The following PTK2 variants were observed in gnomAD, a reference collection of about 807,000 sequenced individuals.
PTK2 encodes the protein focal adhesion kinase 1.
PTK2 carries 45 observed loss-of-function variants against 150.1 expected under a neutral mutation model. The ratio of observed to expected loss-of-function variants is 0.30; its 90% CI spans 0.24 to 0.38. The LOEUF (loss-of-function observed/expected upper bound fraction) is 0.38, where lower values mean the gene tolerates loss of function less well. Among genes scored for constraint, PTK2 ranks in the 10% least tolerant of loss-of-function variants. The pLI is 1.00. For synonymous variants in PTK2, 432 were observed against 449.2 expected, an observed-to-expected ratio of 0.96 and a Z score of 0.48; for missense variants, 919 against 1,307.3, an observed-to-expected ratio of 0.70 and a Z score of 4.58.
chr8:140,699,588 A>C (rs1002468943), intron 26 of PTK2, among the ~76,000 whole-genome samples: 2 of 152,264 alleles, frequency 1.3e-5, no homozygotes, highest in African/African-American at 4.8e-5. Context: ...AATGCCAGGA[A>C]GGCAAATCTT....
chr8:140,795,930 T>C (rs1180757939), intron 12 of PTK2, among the ~76,000 whole-genome samples: 1 of 152,268 alleles, frequency 6.6e-6, no homozygotes, highest in East Asian at 1.9e-4. Context: ...CAAGTTCTAT[T>C]TCCGGCAGAG....
intron 17 of PTK2, among the ~76,000 whole-genome samples, chr8:140,748,441 C>T (rs954406544): frequency 5.5e-5 from 8 of 145,076 alleles, no homozygotes; most frequent in East Asian, 4.0e-4. Flanking sequence ...TGCAGTGAGC[C>T]GGGATTGCGT....
intron 29 of PTK2, among the ~76,000 whole-genome samples, chr8:140,670,822 C>A (rs1367138061): frequency 1.3e-5 from 2 of 152,116 alleles, no homozygotes; most frequent in East Asian, 3.8e-4. Context: ...AGGAGGGGGC[C>A]ACAGGGTGTT....
intron 20 of PTK2, among the ~76,000 whole-genome samples, chr8:140,739,370 C>T (rs905770726): frequency 3.3e-5 from 5 of 152,060 alleles, no homozygotes; most frequent in African/African-American, 4.8e-5. Context: ...GAGCAAACCT[C>T]GGTTTACCAG....
intron 13 of PTK2, among the ~76,000 whole-genome samples, chr8:140,790,837 T>C (rs907696047): frequency 4.6e-5 from 7 of 152,230 alleles, no homozygotes; most frequent in Non-Finnish European, 8.8e-5. Flanking sequence ...CAACTTATCT[T>C]TGAACTATAT....
chr8:140,846,416 A>C (rs1284779580), intron 6 of PTK2, 94 bp from the exon 7 acceptor site: 14 of 1,285,306 alleles, frequency 1.1e-5, no homozygotes, highest in African/African-American at 1.5e-5. Context: ...CTGAATAATA[A>C]ACAAAAATTA....
chr8:140,850,788 T>C (rs544864839), intron 5 of PTK2, among the ~76,000 whole-genome samples: 9 of 152,274 alleles, frequency 5.9e-5, no homozygotes, highest in Admixed American at 2.0e-4. Flanking sequence ...TGTGCAAGTA[T>C]TGTATTTGTA....
intron 3 of PTK2, among the ~76,000 whole-genome samples, chr8:140,888,056 C>T (rs2100152954): frequency 6.6e-6 from 1 of 152,174 alleles, no homozygotes; most frequent in African/African-American, 2.4e-5. Flanking sequence ...TTCTTTCTGA[C>T]AAGTAATTAT....
intron 1 of PTK2, among the ~76,000 whole-genome samples, chr8:140,951,316 C>T (rs117458859): frequency 6.2e-4 from 95 of 152,318 alleles, no homozygotes; most frequent in East Asian, 5.0e-3. Context: ...CTAGCTGCTT[C>T]GCAACCAGAT....
intron 16 of PTK2, among the ~76,000 whole-genome samples, chr8:140,759,179 T>C (rs972933859): frequency 6.6e-6 from 1 of 152,162 alleles, no homozygotes; most frequent in Non-Finnish European, 1.5e-5. Flanking sequence ...GTCTAAAGTG[T>C]CATTTAAAAA....
At chr8:140,949,870 A>T (rs1215994304) in intron 1 of PTK2, among the ~76,000 whole-genome samples, 4 of 152,120 alleles carry the variant, frequency 2.6e-5, no homozygotes, top group African/African-American at 9.7e-5. Flanking sequence ...TTACGGGTGG[A>T]GTCTACAGCC....
At chr8:140,876,394 T>C (rs1311515655) in intron 4 of PTK2, among the ~76,000 whole-genome samples, 2 of 152,226 alleles carry the variant, frequency 1.3e-5, no homozygotes, top group Non-Finnish European at 2.9e-5. Flanking sequence ...ATTATCCCAC[T>C]ATTTTCTTGG....
At chr8:140,679,489 GGA>G (rs1322306624) in intron 27 of PTK2, among the ~76,000 whole-genome samples, 2 of 152,178 alleles carry the variant, frequency 1.3e-5, no homozygotes, top group African/African-American at 4.8e-5. Flanking sequence ...GTACAGAAAA[GGA>G]GAGACTCTGC....
At chr8:140,962,286 AGGAAGGGAG>A (rs1341147999) in intron 1 of PTK2, among the ~76,000 whole-genome samples, 55 of 116,162 alleles carry the variant, frequency 4.7e-4, no homozygotes, top group Non-Finnish European at 1.8e-4. Flanking sequence ...GAAGGGAGGG[AGGAAGGGAG>A]GGAGGGAGGG....
At chr8:140,770,833 T>C (rs1435131971) in intron 14 of PTK2, 34 bp from the exon 15 acceptor site, 2 of 1,089,590 alleles carry the variant, frequency 1.8e-6, no homozygotes, top group Non-Finnish European at 2.4e-6. Context: ...AAGAGAAAAA[T>C]AGAAACAAAT....
chr8:140,710,929 T>C (rs1339656616), intron 23 of PTK2, among the ~76,000 whole-genome samples: 1 of 152,168 alleles, frequency 6.6e-6, no homozygotes, highest in Non-Finnish European at 1.5e-5. Context: ...ATTTGTTTCA[T>C]ATCCCGCGGG....
chr8:140,902,924 G>GTTTTTTGTTTTTTTTTTTTTTTTTT (rs2100159140), intron 2 of PTK2, among the ~76,000 whole-genome samples: 1 of 58,964 alleles, frequency 1.7e-5, no homozygotes, highest in Non-Finnish European at 3.8e-5. Context: ...GATGAGAGTT[G>GTTTTTTGTTTTTTTTTTTTTTTTTT]TTTTTTTTTT....
intron 8 of PTK2, among the ~76,000 whole-genome samples, chr8:140,825,260 C>G (rs2100111139): frequency 6.6e-6 from 1 of 152,188 alleles, no homozygotes; most frequent in Admixed American, 6.5e-5. Flanking sequence ...CACCCAGCAT[C>G]CCCAACTCAG....
intron 3 of PTK2, among the ~76,000 whole-genome samples, chr8:140,889,190 T>A (rs898366373): frequency 6.6e-6 from 1 of 152,174 alleles, no homozygotes; most frequent in Non-Finnish European, 1.5e-5. Context: ...TAACAAAAAA[T>A]TATGTAAAAT....
Sources: gnomAD v4.1 joint callset for allele counts (sites outside exome capture counted in the v4.1 genomes callset) on GRCh38, gnomAD v4.1.1 for gene constraint, MANE v1.5 for transcripts, NCBI Gene and HGNC (gene_info 2026-07-23, HGNC 2026-07-21) for gene names.